GRM8: variants seen among roughly 807,000 people sequenced by gnomAD.
The protein encoded by GRM8 is glutamate metabotropic receptor 8, also known as metabotropic glutamate receptor 8.
GRM8 carries 47 observed loss-of-function variants against 87.2 expected under a neutral mutation model. The ratio of observed to expected loss-of-function variants is 0.54; its 90% CI spans 0.43 to 0.69. The LOEUF (loss-of-function observed/expected upper bound fraction) is 0.69. Ranked by LOEUF, GRM8 falls within the 30% of genes least tolerant of loss-of-function variation. The pLI, the probability that GRM8 is intolerant of heterozygous loss-of-function variation, is 0.00. For synonymous variants in GRM8, 396 were observed against 404.5 expected (o/e 0.98, Z 0.25); for missense variants, 1,019 against 1,139.2 (o/e 0.89, Z 1.52).
intron 2 of GRM8, among the ~76,000 whole-genome samples, chr7:127,161,349 C>T (rs999730506): frequency 1.3e-5 from 2 of 152,098 alleles, no homozygotes; most frequent in Non-Finnish European, 2.9e-5. Flanking sequence ...TAGGGAGGTC[C>T]AGGCTCTACT....
At chr7:127,246,957 C>T (rs944350224) in intron 1 of GRM8, among the ~76,000 whole-genome samples, 15 of 152,216 alleles carry the variant, frequency 9.9e-5, no homozygotes, top group Non-Finnish European at 4.4e-5. Context: ...GTCATCTGTC[C>T]CAGAAGGTGG....
At chr7:127,098,045 A>G (rs1824851563) in intron 3 of GRM8, among the ~76,000 whole-genome samples, 1 of 152,182 alleles carries the variant, frequency 6.6e-6, no homozygotes, top group Non-Finnish European at 1.5e-5. Flanking sequence ...AATCATATGC[A>G]TGTCCTTTGG....
intron 7 of GRM8, among the ~76,000 whole-genome samples, chr7:126,714,596 A>C (rs1293484098): frequency 6.6e-6 from 1 of 152,078 alleles, no homozygotes; most frequent in Non-Finnish European, 1.5e-5. Flanking sequence ...TATCAAAGAA[A>C]GGTTTCCTAG....
rs114779107 is a variant in GRM8 at position 127,177,129 on chromosome 7, C to T, written c.510+65566G>A. 1.9e-3 allele frequency among the ~76,000 whole-genome samples: 289 copies of T among 152,262 alleles called. 1 individual carries two copies. Among genetic ancestry groups the T allele is most frequent in the African/African-American group, 6.1e-3 (254 of 41,568 alleles). On this transcript the variant is annotated intron_variant, in intron 2 of 10. Coordinates refer to ENST00000339582, the MANE Select transcript of GRM8 (RefSeq NM_000845.3). ...AAGTTTTCTAGCCTGTCACACCCTC[C>T]GCCAGGAAACAGACTCGGGGCTACT...
At chr7:127,014,509 C>G (rs1161082714) in intron 3 of GRM8, among the ~76,000 whole-genome samples, 1 of 152,076 alleles carries the variant, frequency 6.6e-6, no homozygotes, top group Non-Finnish European at 1.5e-5. Flanking sequence ...GTGTAAGTAA[C>G]TTAAACTCTC....
At chr7:126,554,561 C>A (rs1282914788) in intron 8 of GRM8, among the ~76,000 whole-genome samples, 1 of 151,804 alleles carries the variant, frequency 6.6e-6, no homozygotes, top group Non-Finnish European at 1.5e-5. Flanking sequence ...CCACTGCACT[C>A]CAGCCTGAGT....
At chr7:126,934,647 C>A (rs1392590330) in intron 3 of GRM8, among the ~76,000 whole-genome samples, 1 of 152,104 alleles carries the variant, frequency 6.6e-6, no homozygotes, top group Non-Finnish European at 1.5e-5. Context: ...ACTAGAATGG[C>A]TGGTTGGTAG....
chr7:126,646,016 A>C (rs188275055), intron 7 of GRM8, among the ~76,000 whole-genome samples: 17 of 152,216 alleles, frequency 1.1e-4, no homozygotes, highest in African/African-American at 4.1e-4. Context: ...CTGTCTCTAG[A>C]GCTGAAGTAG....
At chr7:127,172,882 T>C (rs575081654) in intron 2 of GRM8, among the ~76,000 whole-genome samples, 2 of 152,306 alleles carry the variant, frequency 1.3e-5, no homozygotes, top group Admixed American at 1.3e-4. Context: ...TTTCTGGAGT[T>C]TTCTCAGATT....
intron 7 of GRM8, among the ~76,000 whole-genome samples, chr7:126,635,505 G>T (rs1363734733): frequency 6.6e-6 from 1 of 152,054 alleles, no homozygotes; most frequent in East Asian, 1.9e-4. Context: ...GAGTTTTAAT[G>T]CAGTTATTTG....
chr7:127,240,242 C>T (rs778574551), intron 2 of GRM8, among the ~76,000 whole-genome samples: 6 of 152,038 alleles, frequency 3.9e-5, no homozygotes, highest in African/African-American at 1.5e-4. Context: ...GCCAGATCCC[C>T]GCTGCATAAA....
At chr7:126,539,655 G>A (rs946767380) in intron 8 of GRM8, among the ~76,000 whole-genome samples, 5 of 151,848 alleles carry the variant, frequency 3.3e-5, no homozygotes, top group Non-Finnish European at 7.4e-5. Context: ...TAATATAAAC[G>A]TGTATGTTCA....
At chr7:126,892,394 T>A (rs906327252) in intron 6 of GRM8, among the ~76,000 whole-genome samples, 2 of 152,150 alleles carry the variant, frequency 1.3e-5, no homozygotes, top group African/African-American at 4.8e-5. Context: ...GTGTTTGGTT[T>A]TTTGTTCCTG....
chr7:126,959,107 A>G, intron 3 of GRM8, among the ~76,000 whole-genome samples: 1 of 152,250 alleles, frequency 6.6e-6, no homozygotes, highest in Non-Finnish European at 1.5e-5. Flanking sequence ...ACCCTGGGAA[A>G]AAGACTTTGA....
intron 7 of GRM8, among the ~76,000 whole-genome samples, chr7:126,676,693 C>T (rs756787027): frequency 6.6e-6 from 1 of 152,126 alleles, no homozygotes; most frequent in Non-Finnish European, 1.5e-5. Context: ...GAAACTGGAG[C>T]TCTATCTCTC....
chr7:126,454,998 G>A (rs1803061843), intron 9 of GRM8, among the ~76,000 whole-genome samples: 3 of 151,686 alleles, frequency 2.0e-5, no homozygotes, highest in Admixed American at 2.0e-4. Context: ...ATAGTAGTTG[G>A]TTGTGGTTAA....
In GRM8 at chr7:126,781,730, T is replaced by G. The variant is rs558647783; in HGVS notation, c.1157-11665A>C. Among the ~76,000 whole-genome samples, 4 of 152,316 alleles carry G rather than the reference T, an allele frequency of 2.6e-5. No individual in the cohort carries two copies. In the East Asian group the frequency reaches 7.7e-4, roughly 29 times the overall value. On this transcript the variant is annotated intron_variant, in intron 6 of 10. Coordinates refer to ENST00000339582, the MANE Select transcript of GRM8 (RefSeq NM_000845.3). Reference sequence around the variant, plus strand: ...AAAATTTTATTTATTTATTTGTTTATTTTGAGACAGGGTCTCACTCTGTCA... The same window carrying G: ...AAAATTTTATTTATTTATTTGTTTAGTTTGAGACAGGGTCTCACTCTGTCA...
At chr7:127,234,204 CCT>C (rs1797855545) in intron 2 of GRM8, among the ~76,000 whole-genome samples, 1 of 152,128 alleles carries the variant, frequency 6.6e-6, no homozygotes, top group African/African-American at 2.4e-5. Context: ...CAAATCATAG[CCT>C]CTTTCATCTT....
At chr7:126,906,193 C>T in intron 3 of GRM8, among the ~76,000 whole-genome samples, 1 of 152,164 alleles carries the variant, frequency 6.6e-6, no homozygotes, top group Admixed American at 6.5e-5. Context: ...CAAAAAGACA[C>T]TGAACCAGGA....
Sources: gnomAD v4.1 joint callset for allele counts (sites outside exome capture counted in the v4.1 genomes callset) on GRCh38, gnomAD v4.1.1 for gene constraint, MANE v1.5 for transcripts, NCBI Gene and HGNC (gene_info 2026-07-23, HGNC 2026-07-21) for gene names.